Variants in ZNF469 observed in about 807,000 individuals in gnomAD.
The protein encoded by ZNF469 is zinc finger protein 469.
ZNF469 carries 1 observed loss-of-function variant against 1.0 expected under a neutral mutation model. The ratio of observed to expected loss-of-function variants is 1.00; its 90% confidence interval spans 0.35 to 4.73. The LOEUF is 4.73. Ranked by LOEUF, ZNF469 falls within the 30% of genes most tolerant of loss-of-function variation. ZNF469 has a pLI of 0.16. For missense variants in ZNF469, 6,100 were observed against 5,356.3 expected, an observed-to-expected ratio of 1.14 and a Z score of -4.33; for synonymous variants, 2,703 against 2,363.4, an observed-to-expected ratio of 1.14 and a Z score of -4.17.
Position 88,437,168 on chromosome 16 carries a change from A to G in ZNF469, c.9698A>G (p.Glu3233Gly). 1 of 1,549,408 alleles carries G rather than the reference A, an allele frequency of 6.5e-7. No homozygotes were observed. The highest frequency in any genetic ancestry group is 8.7e-7 in the Non-Finnish European group (1 of 1,146,582). The part of the protein sequence containing the change: ...AVAHLLNSIT[E>G]PAPKHHRGKR... ...GCCCACCTTCTGAACAGCATCACGG[A>G]ACCCGCGCCCAAACACCACAGGGGC... Residue 3233 changes from glutamate to glycine, a missense_variant, in exon 3 of 3, where the codon GAA becomes GGA. Physicochemically the swap from Glu to Gly is moderately conservative, Grantham distance 98. Coordinates refer to ENST00000565624, the MANE Select transcript of ZNF469 (RefSeq NM_001367624.2).
At chr16:88,298,756 G>T in the ZNF469 span, among the ~76,000 whole-genome samples, 9 of 152,124 alleles carry the variant, frequency 5.9e-5, no homozygotes, top group African/African-American at 2.2e-4. Flanking sequence ...CACCTCCCGA[G>T]ACAGGAGCAA....
the ZNF469 span, among the ~76,000 whole-genome samples, chr16:88,364,725 A>G: frequency 2.0e-5 from 3 of 152,178 alleles, no homozygotes; most frequent in Non-Finnish European, 4.4e-5. Flanking sequence ...GCACTTTGGG[A>G]GGCCAAAGCA....
upstream of ZNF469, among the ~76,000 whole-genome samples, chr16:88,381,224 ACT>A (rs1235345898): frequency 3.4e-4 from 49 of 143,886 alleles, no homozygotes; most frequent in East Asian, 4.6e-3. Flanking sequence ...ACAGACATGC[ACT>A]CACACACGCA....
chr16:88,198,879 C>T, the ZNF469 span, among the ~76,000 whole-genome samples: 3 of 152,238 alleles, frequency 2.0e-5, no homozygotes, highest in African/African-American at 7.2e-5. Context: ...GTGTGGCTCA[C>T]ATTGGGTCAG....
chr16:88,317,529 G>C, the ZNF469 span, among the ~76,000 whole-genome samples: 1 of 152,196 alleles, frequency 6.6e-6, no homozygotes. Context: ...CCTGGGAGGG[G>C]TCTCTCCTGG....
the ZNF469 span, among the ~76,000 whole-genome samples, chr16:88,290,156 G>A: frequency 9.8e-5 from 15 of 152,336 alleles, no homozygotes; most frequent in East Asian, 1.5e-3. Flanking sequence ...GCCATGCACC[G>A]CGGCTTAGCA....
chr16:88,244,120 G>C, the ZNF469 span, among the ~76,000 whole-genome samples: 785 of 148,702 alleles, frequency 5.3e-3, 11 homozygotes, highest in African/African-American at 0.018. Flanking sequence ...TGGGTGGATG[G>C]ATGGATGGAT....
At chr16:88,119,461 ATTC>A in the ZNF469 span, among the ~76,000 whole-genome samples, 37 of 152,348 alleles carry the variant, frequency 2.4e-4, no homozygotes, top group South Asian at 7.0e-3. Context: ...GCAACTCAGC[ATTC>A]TTCTTGGTCA....
chr16:88,267,931 C>G, the ZNF469 span, among the ~76,000 whole-genome samples: 5 of 152,246 alleles, frequency 3.3e-5, no homozygotes, highest in East Asian at 9.7e-4. Context: ...TCCAAAGCGG[C>G]TGAGCCATTT....
At position 88,431,118 on chromosome 16, in the gene ZNF469, C is replaced by A. The variant is rs568281394; in HGVS notation, c.3648C>A (p.Arg1216=). The A allele has an allele frequency of 8.3e-5, 129 of 1,550,336 alleles. No homozygotes were observed. In the East Asian group the frequency reaches 3.0e-3, roughly 36 times the overall value. Residue 1216 remains arginine, a synonymous_variant, in exon 3 of 3, where the codon CGC becomes CGA. Coordinates refer to ENST00000565624, the MANE Select transcript of ZNF469 (RefSeq NM_001367624.2). ...PTNTETSEET[R]PSLDFPQEAK... is the part of the protein sequence containing the mutation. ...ACACCGAGACCTCAGAGGAAACCCG[C>A]CCGTCGCTGGACTTTCCCCAGGAGG...
At chr16:88,279,228 ACTGCACGG>A in the ZNF469 span, among the ~76,000 whole-genome samples, 18 of 135,286 alleles carry the variant, frequency 1.3e-4, no homozygotes, top group East Asian at 2.4e-4. Flanking sequence ...TGTAGATATC[ACTGCACGG>A]TTAGTGCTGT....
chr16:88,180,332 C>T, the ZNF469 span, among the ~76,000 whole-genome samples: 1 of 151,384 alleles, frequency 6.6e-6, no homozygotes, highest in African/African-American at 2.4e-5. Context: ...AACATAAAAA[C>T]ATAAGTGGAT....
At chr16:88,322,191 C>G in the ZNF469 span, among the ~76,000 whole-genome samples, 1 of 152,350 alleles carries the variant, frequency 6.6e-6, no homozygotes, top group Middle Eastern at 3.4e-3. Flanking sequence ...CCGATGGACT[C>G]AGAGCCCAGC....
chr16:88,374,021 C>A, the ZNF469 span, among the ~76,000 whole-genome samples: 1 of 150,598 alleles, frequency 6.6e-6, no homozygotes, highest in Non-Finnish European at 1.5e-5. Flanking sequence ...AAAAAAGAGG[C>A]TTTAAGTGTC....
chr16:88,429,774 A>G lies in ZNF469; in HGVS notation c.2304A>G (p.Pro768=). The change falls in exon 3 of 3, where the codon CCA becomes CCG. Residue 768 remains proline (P), a synonymous_variant. Coordinates refer to ENST00000565624, the MANE Select transcript of ZNF469 (RefSeq NM_001367624.2). ...ARAKDGHQRS[P]GPPGLPSPPA... is the part of the protein sequence containing the mutation. Reference sequence around the variant, plus strand: ...CCAAGGATGGCCACCAGCGGTCTCCAGGCCCCCCTGGGCTCCCCTCGCCCC... The same window carrying G: ...CCAAGGATGGCCACCAGCGGTCTCCGGGCCCCCCTGGGCTCCCCTCGCCCC... The G allele has an allele frequency of 6.5e-7, 1 of 1,544,810 alleles. No individual in the cohort carries two copies. Among genetic ancestry groups the G allele is most frequent in the South Asian group, 1.2e-5 (1 of 83,978 alleles).
At chr16:88,398,327 G>A (rs1464369632) in intron 1 of ZNF469, among the ~76,000 whole-genome samples, 4 of 152,074 alleles carry the variant, frequency 2.6e-5, no homozygotes, top group Non-Finnish European at 5.9e-5. Context: ...GAAGGGCCAC[G>A]TGAGCCACGG....
chr16:88,377,442 C>T, the ZNF469 span, among the ~76,000 whole-genome samples: 1 of 152,212 alleles, frequency 6.6e-6, no homozygotes, highest in African/African-American at 2.4e-5. Flanking sequence ...GCCTGTGCCC[C>T]TGTGCAGGAC....
the ZNF469 span, among the ~76,000 whole-genome samples, chr16:88,275,175 T>G: frequency 2.6e-5 from 4 of 152,176 alleles, no homozygotes; most frequent in Non-Finnish European, 5.9e-5. Context: ...GCATTTGGCC[T>G]CTGCAGGCAG....
chr16:88,396,044 A>G (rs1233745830), intron 1 of ZNF469, among the ~76,000 whole-genome samples: 1 of 152,240 alleles, frequency 6.6e-6, no homozygotes, highest in African/African-American at 2.4e-5. Flanking sequence ...ACACGGGACC[A>G]TCTGTCGTGT....
Sources: allele counts gnomAD v4.1 joint callset (sites outside exome capture counted in the v4.1 genomes callset), GRCh38; gene constraint gnomAD v4.1.1; transcripts MANE v1.5; gene names NCBI Gene and HGNC (gene_info 2026-07-23, HGNC 2026-07-21).